Variants in KSR2 observed in about 807,000 individuals in gnomAD.
KSR2 encodes the protein kinase suppressor of ras 2.
A neutral mutation model predicts 107.8 loss-of-function variants in KSR2; 25 were observed. The ratio of observed to expected loss-of-function variants is 0.23; its 90% CI spans 0.17 to 0.32. The LOEUF (loss-of-function observed/expected upper bound fraction) is 0.32. Ranked by LOEUF, KSR2 falls within the 10% of genes least tolerant of loss-of-function variation. The pLI is 1.00. For synonymous variants in KSR2, 480 were observed against 507.0 expected, an observed-to-expected ratio of 0.95 and a Z score of 0.71; for missense variants, 887 against 1,268.9, an observed-to-expected ratio of 0.70 and a Z score of 4.57.
chr12:117,594,029 C>G (rs906589047), intron 5 of KSR2, among the ~76,000 whole-genome samples: 1 of 152,216 alleles, frequency 6.6e-6, no homozygotes, highest in Non-Finnish European at 1.5e-5. Flanking sequence ...ACTACATCAT[C>G]AATTACTTAC....
At chr12:117,587,069 T>C (rs1417286227) in intron 5 of KSR2, among the ~76,000 whole-genome samples, 3 of 152,230 alleles carry the variant, frequency 2.0e-5, no homozygotes, top group Non-Finnish European at 2.9e-5. Flanking sequence ...CAACCCATCC[T>C]ATACTGCCAA....
chr12:117,821,204 G>A (rs977098252), intron 3 of KSR2, among the ~76,000 whole-genome samples: 10 of 152,100 alleles, frequency 6.6e-5, no homozygotes, highest in African/African-American at 1.2e-4. Context: ...TACTATTATC[G>A]TCTGAATTAT....
intron 1 of KSR2, among the ~76,000 whole-genome samples, chr12:117,956,249 CAAAAAAAAAAA>C (rs59662300): frequency 6.3e-5 from 3 of 47,514 alleles, no homozygotes; most frequent in African/African-American, 8.0e-5. Flanking sequence ...GACTCTGTCT[CAAAAAAAAAAA>C]AAAAAAAAAA....
chr12:117,539,914 C>G (rs768627975), intron 9 of KSR2, 27 bp from the exon 10 acceptor site: 1 of 1,567,420 alleles, frequency 6.4e-7, no homozygotes, highest in East Asian at 2.4e-5. Context: ...GGGTAGGAGT[C>G]AGGGACAGGC....
At chr12:117,806,527 A>C (rs549519933) in intron 3 of KSR2, among the ~76,000 whole-genome samples, 1 of 152,204 alleles carries the variant, frequency 6.6e-6, no homozygotes, top group Non-Finnish European at 1.5e-5. Context: ...TTTACAAAAC[A>C]TGAAATTGAC....
At chr12:117,486,997 G>C (rs1592919465) in intron 14 of KSR2, among the ~76,000 whole-genome samples, 1 of 151,362 alleles carries the variant, frequency 6.6e-6, no homozygotes, top group East Asian at 1.9e-4. Context: ...CCTTGGGTGG[G>C]TGCATTAACC....
intron 5 of KSR2, among the ~76,000 whole-genome samples, chr12:117,659,812 TA>T (rs1296722305): frequency 4.6e-5 from 7 of 152,242 alleles, no homozygotes; most frequent in African/African-American, 1.4e-4. Context: ...TCTGTGGAGT[TA>T]TCCAACATGA....
intron 5 of KSR2, among the ~76,000 whole-genome samples, chr12:117,590,209 C>T (rs1002034494): frequency 2.6e-5 from 4 of 152,250 alleles, no homozygotes; most frequent in Non-Finnish European, 5.9e-5. Flanking sequence ...CAATGCAATT[C>T]ATGCATGTGT....
chr12:117,886,027 C>T (rs1894166618), intron 1 of KSR2, among the ~76,000 whole-genome samples: 1 of 150,808 alleles, frequency 6.6e-6, no homozygotes, highest in African/African-American at 2.4e-5. Context: ...ATCTGGGAGG[C>T]GGAGGTTGCA....
intron 9 of KSR2, among the ~76,000 whole-genome samples, chr12:117,550,836 A>G (rs1877245962): frequency 2.0e-5 from 1 of 50,540 alleles, no homozygotes; most frequent in African/African-American, 8.0e-5. Flanking sequence ...ACAATGGCCT[A>G]TGGGCTGCTT....
At chr12:117,641,036 G>A (rs893932889) in intron 5 of KSR2, among the ~76,000 whole-genome samples, 9 of 152,312 alleles carry the variant, frequency 5.9e-5, no homozygotes. Flanking sequence ...CCACAAACTG[G>A]ATGGCTTAAA....
At position 117,849,267 on chromosome 12, in the gene KSR2, G is replaced by A. The variant is rs115695025; in HGVS notation, c.472+6161C>T. On this transcript the variant is annotated intron_variant, in intron 3 of 19. Coordinates refer to ENST00000339824, the MANE Select transcript of KSR2 (RefSeq NM_173598.6). ...TATTCTCACACACTGCATAAGGTAC[G>A]TGATCATTAAGACAATAATTCATTG... Among the ~76,000 whole-genome samples, 1,266 of 152,216 alleles carry A rather than the reference G, an allele frequency of 8.3e-3. 19 individuals are homozygous for A. Among genetic ancestry groups the A allele is most frequent in the African/African-American group, 0.029 (1,207 of 41,508 alleles).
intron 1 of KSR2, among the ~76,000 whole-genome samples, chr12:117,898,641 T>C (rs974942986): frequency 1.3e-5 from 2 of 151,954 alleles, no homozygotes; most frequent in Non-Finnish European, 2.9e-5. Context: ...TAAAAAAAAA[T>C]TTTGTGGGTA....
chr12:117,767,031 C>T (rs191720339), intron 3 of KSR2, among the ~76,000 whole-genome samples: 76 of 151,868 alleles, frequency 5.0e-4, no homozygotes, highest in Non-Finnish European at 8.8e-4. Context: ...ACTACAGTGG[C>T]CTCGTGATCC....
At chr12:117,470,962 C>G (rs2137114463) in intron 18 of KSR2, among the ~76,000 whole-genome samples, 1 of 152,304 alleles carries the variant, frequency 6.6e-6, no homozygotes, top group African/African-American at 2.4e-5. Context: ...TAGGAAAAAC[C>G]TGACCACGTG....
rs138201521 is a variant in KSR2 at position 117,731,947 on chromosome 12, A to T, written c.986+29064T>A. 1.4e-3 allele frequency among the ~76,000 whole-genome samples: 201 copies of T among 145,692 alleles called. 1 individual carries two copies. The highest frequency in any genetic ancestry group is 1.4e-3 in the African/African-American group (57 of 40,984). On this transcript the variant is annotated intron_variant, in intron 4 of 19. Coordinates refer to ENST00000339824, the MANE Select transcript of KSR2 (RefSeq NM_173598.6). ...AGGAAAACTAGAGACCCTTGTTCAC[A>T]TGTTTATCTGCTGACCTTCCCTCCA...
chr12:117,466,978 C>A lies in KSR2; in HGVS notation c.*221G>T, dbSNP rs1002608789. ...CAATAACGCATCACCCTGGCTGGTC[C>A]GGTTCAGTCCTAGCTCGGGGGTCCC... is the stretch of plus-strand genomic sequence containing the variant. On this transcript the variant is annotated 3_prime_UTR_variant, in exon 20 of 20. Coordinates refer to ENST00000339824, the MANE Select transcript of KSR2 (RefSeq NM_173598.6). 4 of 460,060 alleles carry A rather than the reference C, an allele frequency of 8.7e-6. No individual in the cohort carries two copies. Among genetic ancestry groups the A allele is most frequent in the African/African-American group, 4.1e-5 (2 of 49,168 alleles). The allele number at this position is 460,060 out of a possible 1,614,324, so 28.5% of individuals were successfully genotyped here.
chr12:117,729,058 G>C (rs1336796735), intron 4 of KSR2, among the ~76,000 whole-genome samples: 1 of 152,118 alleles, frequency 6.6e-6, no homozygotes, highest in Non-Finnish European at 1.5e-5. Context: ...TCAAAATGCT[G>C]CTAGGGGGCC....
chr12:117,786,380 T>C (rs566692484), intron 3 of KSR2, among the ~76,000 whole-genome samples: 2 of 152,296 alleles, frequency 1.3e-5, no homozygotes, highest in East Asian at 3.9e-4. Context: ...ATTTGATGTA[T>C]AGGTAAACTT....
Sources: gnomAD v4.1 joint callset for allele counts (sites outside exome capture counted in the v4.1 genomes callset) on GRCh38, gnomAD v4.1.1 for gene constraint, MANE v1.5 for transcripts, NCBI Gene and HGNC (gene_info 2026-07-23, HGNC 2026-07-21) for gene names.